RUNX1: variants seen among roughly 807,000 people sequenced by gnomAD.
RUNX1 encodes the protein runt-related transcription factor 1.
Under a neutral mutation model 42.8 loss-of-function variants are expected in RUNX1, and 19 were observed. That is an observed-to-expected ratio of 0.44 (90% CI 0.31 to 0.65). The LOEUF (loss-of-function observed/expected upper bound fraction) is 0.65, where lower values mean the gene tolerates loss of function less well. Ranked by LOEUF, RUNX1 falls within the 30% of genes least tolerant of loss-of-function variation. The pLI is 0.07. For missense variants in RUNX1, 528 were observed against 672.0 expected, an observed-to-expected ratio of 0.79 and a Z score of 2.37; for synonymous variants, 271 against 289.4, an observed-to-expected ratio of 0.94 and a Z score of 0.64.
intron 2 of RUNX1, among the ~76,000 whole-genome samples, chr21:34,957,197 G>C (rs907570754): frequency 1.3e-5 from 2 of 152,184 alleles, no homozygotes; most frequent in African/African-American, 2.4e-5. Context: ...GGGTGTGTTA[G>C]GTAATATTTG....
chr21:34,817,930 G>A lies in RUNX1; in HGVS notation c.805+16480C>T, dbSNP rs1298451652. Among the ~76,000 whole-genome samples the A allele has an allele frequency of 3.9e-5, 6 of 152,336 alleles. No homozygotes were observed. The South Asian group carries it at 1.0e-3, about 26-fold the overall frequency. On this transcript the variant is annotated intron_variant, in intron 7 of 8. Coordinates refer to ENST00000675419, the MANE Select transcript of RUNX1 (RefSeq NM_001754.5). Reference sequence around the variant, plus strand: ...CTGGATTTGCAAAGTGTCTGCAGACGTAAGTCCTGGTGGCCTGCTCTGTCT... The same window carrying A: ...CTGGATTTGCAAAGTGTCTGCAGACATAAGTCCTGGTGGCCTGCTCTGTCT...
At chr21:35,026,519 T>C (rs971274541) in intron 2 of RUNX1, among the ~76,000 whole-genome samples, 3 of 152,240 alleles carry the variant, frequency 2.0e-5, no homozygotes, top group Admixed American at 6.5e-5. Flanking sequence ...TTTCTTTCTT[T>C]CTTTTTAAAT....
chr21:34,908,390 G>T (rs1386445420), intron 2 of RUNX1, among the ~76,000 whole-genome samples: 1 of 152,168 alleles, frequency 6.6e-6, no homozygotes, highest in Non-Finnish European at 1.5e-5. Context: ...TGAACTGAAA[G>T]TAAGGGAGGA....
At chr21:34,984,944 G>A (rs2058874238) in intron 2 of RUNX1, among the ~76,000 whole-genome samples, 1 of 152,192 alleles carries the variant, frequency 6.6e-6, no homozygotes, top group Non-Finnish European at 1.5e-5. Flanking sequence ...TGGTATGGGG[G>A]TCAGGGCTGG....
intron 2 of RUNX1, among the ~76,000 whole-genome samples, chr21:34,930,270 G>GTATATATATATATATATATA (rs1555906427): frequency 6.5e-5 from 8 of 123,034 alleles, no homozygotes; most frequent in African/African-American, 3.0e-4. Context: ...GTGTGTGTAT[G>GTATATATATATATATATATA]TATATATATA....
At chr21:35,047,552 CACA>C (rs2059407261) in intron 2 of RUNX1, among the ~76,000 whole-genome samples, 1 of 110,216 alleles carries the variant, frequency 9.1e-6, no homozygotes, top group Admixed American at 8.5e-5. Flanking sequence ...CACACACACA[CACA>C]CACACACTCT....
At chr21:34,818,344 GAGA>G (rs1194276086) in intron 7 of RUNX1, among the ~76,000 whole-genome samples, 6 of 152,208 alleles carry the variant, frequency 3.9e-5, no homozygotes, top group Admixed American at 2.6e-4. Context: ...CAAAAGTAAG[GAGA>G]AGTTTATTAA....
At chr21:35,002,810 C>T (rs542591561) in intron 2 of RUNX1, among the ~76,000 whole-genome samples, 234 of 152,196 alleles carry the variant, frequency 1.5e-3, no homozygotes, top group Non-Finnish European at 2.5e-3. Context: ...TGCTGTATTT[C>T]CAGCATCTAA....
chr21:34,993,743 ACACACACACAGACACACACAGGCG>A (rs1194360292), intron 2 of RUNX1, among the ~76,000 whole-genome samples: 3 of 128,894 alleles, frequency 2.3e-5, no homozygotes, highest in East Asian at 4.1e-4. Flanking sequence ...ACACACAGAG[ACACACACACAGACACACACAGGCG>A]CACACACACA....
At chr21:34,876,223 T>G (rs1026011914) in intron 5 of RUNX1, among the ~76,000 whole-genome samples, 1 of 152,180 alleles carries the variant, frequency 6.6e-6, no homozygotes, top group African/African-American at 2.4e-5. Context: ...CGTGATGATA[T>G]GTGGGCATAC....
At chr21:35,014,493 T>C (rs769999657) in intron 2 of RUNX1, among the ~76,000 whole-genome samples, 4 of 152,142 alleles carry the variant, frequency 2.6e-5, no homozygotes, top group Non-Finnish European at 2.9e-5. Flanking sequence ...TTTCCACATA[T>C]ACGGAAAGGA....
Position 34,790,076 on chromosome 21 carries a change from G to A in RUNX1, c.*2059C>T. On this transcript the variant is annotated 3_prime_UTR_variant, in exon 9 of 9. Coordinates refer to ENST00000675419, the MANE Select transcript of RUNX1 (RefSeq NM_001754.5). ...AATATATGAAACTGAGTTGTGGAGGGAATCCTGTCAAAAATGAAAGTGAAT... is the reference window on the plus strand; with the variant it reads ...AATATATGAAACTGAGTTGTGGAGGAAATCCTGTCAAAAATGAAAGTGAAT... The A allele has an allele frequency of 4.3e-6, 1 of 233,046 alleles. No homozygotes were observed. The highest frequency in any genetic ancestry group is 6.1e-5 in the East Asian group (1 of 16,480). The allele number at this position is 233,046 out of a possible 1,614,324, so 14.4% of individuals were successfully genotyped here.
chr21:35,029,504 T>C (rs193027620), intron 2 of RUNX1, among the ~76,000 whole-genome samples: 12 of 152,304 alleles, frequency 7.9e-5, no homozygotes, highest in Admixed American at 7.2e-4. Flanking sequence ...GGAGACCACC[T>C]GAGAGAGCCT....
At chr21:35,020,861 G>A (rs898551149) in intron 2 of RUNX1, among the ~76,000 whole-genome samples, 2 of 152,086 alleles carry the variant, frequency 1.3e-5, no homozygotes, top group African/African-American at 4.8e-5. Flanking sequence ...AGTACACTTT[G>A]CTTCTATGGG....
At chr21:34,793,039 G>A (rs1219323396) in intron 8 of RUNX1, among the ~76,000 whole-genome samples, 1 of 151,682 alleles carries the variant, frequency 6.6e-6, no homozygotes. Flanking sequence ...CACCCAGGAT[G>A]CTACTGTCCA....
At chr21:34,859,375 A>C (rs775866687) in intron 6 of RUNX1, 99 bp downstream of exon 6, 84 of 987,902 alleles carry the variant, frequency 8.5e-5, no homozygotes, top group Non-Finnish European at 1.2e-4. Flanking sequence ...CCTGGGGGAA[A>C]GGTTGAACCC....
intron 7 of RUNX1, among the ~76,000 whole-genome samples, chr21:34,800,953 C>G (rs146892867): frequency 2.4e-4 from 36 of 152,080 alleles, no homozygotes; most frequent in African/African-American, 7.7e-4. Flanking sequence ...ACAAAAGGAG[C>G]TGGTCCATTT....
At chr21:34,833,209 A>C (rs1404711758) in intron 7 of RUNX1, 3 of 152,206 alleles carry the variant, frequency 2.0e-5, no homozygotes, top group Non-Finnish European at 4.4e-5. Context: ...GGTTCACACC[A>C]TTCTCCTGCC....
intron 3 of RUNX1, chr21:34,888,650 G>GCCGCGGGGCGCCCGTCCCGC (rs1367616705): frequency 9.5e-7 from 1 of 1,050,254 alleles, no homozygotes; most frequent in Non-Finnish European, 1.2e-6. Flanking sequence ...GCTGGGTCCG[G>GCCGCGGGGCGCCCGTCCCGC]CCGCGGGGCG....
Sources: gnomAD v4.1 joint callset for allele counts (sites outside exome capture counted in the v4.1 genomes callset) on GRCh38, gnomAD v4.1.1 for gene constraint, MANE v1.5 for transcripts, NCBI Gene and HGNC (gene_info 2026-07-23, HGNC 2026-07-21) for gene names.